The following RBM33 variants were observed in gnomAD, a reference collection of about 807,000 sequenced individuals.
RBM33 encodes RNA binding motif protein 33, also known as RNA-binding protein 33.
RBM33 carries 28 observed loss-of-function variants against 132.6 expected under a neutral mutation model. That is an observed-to-expected ratio of 0.21 (90% CI 0.16 to 0.29). The LOEUF (loss-of-function observed/expected upper bound fraction) is 0.29. Ranked by LOEUF, RBM33 falls within the 10% of genes least tolerant of loss-of-function variation. The pLI is 1.00. For missense variants in RBM33, 1,291 were observed against 1,518.5 expected (o/e 0.85, Z 2.49); for synonymous variants, 634 against 593.0 (o/e 1.07, Z -1.01).
chr7:155,701,778 C>T (rs1047035432), intron 6 of RBM33, among the ~76,000 whole-genome samples: 8 of 152,070 alleles, frequency 5.3e-5, no homozygotes, highest in Non-Finnish European at 1.2e-4. Flanking sequence ...ACCACCGCCT[C>T]CCAGGTTCAA....
intron 16 of RBM33, among the ~76,000 whole-genome samples, chr7:155,772,229 A>G (rs1244007350): frequency 6.6e-6 from 1 of 152,152 alleles, no homozygotes; most frequent in African/African-American, 2.4e-5. Flanking sequence ...GAACGGAGAG[A>G]ACCCCGGAGG....
At chr7:155,764,751 T>C (rs1200440330) in intron 15 of RBM33, among the ~76,000 whole-genome samples, 2 of 152,246 alleles carry the variant, frequency 1.3e-5, no homozygotes. Flanking sequence ...GAGGGAGACC[T>C]GGGCGCAGCC....
intron 14 of RBM33, among the ~76,000 whole-genome samples, chr7:155,761,332 G>A (rs1226993776): frequency 6.6e-5 from 10 of 152,178 alleles, no homozygotes; most frequent in Admixed American, 2.0e-4. Context: ...AAGAATGAGT[G>A]GGGAAGTGCT....
intron 5 of RBM33, among the ~76,000 whole-genome samples, chr7:155,683,839 A>T (rs1264241594): frequency 1.3e-5 from 2 of 152,206 alleles, no homozygotes; most frequent in East Asian, 3.8e-4. Context: ...TTGTTCTGTA[A>T]AAACAATTTC....
chr7:155,742,108 T>C lies in RBM33; in HGVS notation c.2337+2T>C. 1 of 1,609,106 alleles carries C rather than the reference T, an allele frequency of 6.2e-7. No homozygotes were observed. Among genetic ancestry groups the C allele is most frequent in the Non-Finnish European group, 8.5e-7 (1 of 1,176,596 alleles). On this transcript the variant is annotated splice_donor_variant, in intron 13 of 17. Transcript: ENST00000401878. LOFTEE classifies it high-confidence loss of function. ...GAAGAGGCAAAAACAGAAACAGAGG[T>C]AGGACACTGCTCTTATTAACAAATG...
At chr7:155,696,843 TG>T (rs1323948736) in intron 5 of RBM33, among the ~76,000 whole-genome samples, 3 of 152,214 alleles carry the variant, frequency 2.0e-5, no homozygotes, top group Non-Finnish European at 2.9e-5. Context: ...AGTGTTTCCC[TG>T]TATTTCATGA....
intron 14 of RBM33, 73 bp from the exon 15 acceptor site, chr7:155,763,739 G>C: frequency 1.4e-6 from 2 of 1,389,568 alleles, no homozygotes; most frequent in South Asian, 2.5e-5. Flanking sequence ...GCTGAGGTGG[G>C]CTTCCTAATG....
intron 2 of RBM33, among the ~76,000 whole-genome samples, chr7:155,668,140 G>A (rs1798849557): frequency 2.0e-5 from 3 of 151,870 alleles, no homozygotes; most frequent in African/African-American, 4.8e-5. Context: ...CTATGTATAC[G>A]TATGTAGACG....
intron 1 of RBM33, among the ~76,000 whole-genome samples, chr7:155,652,012 A>G (rs1798367920): frequency 6.6e-6 from 1 of 152,202 alleles, no homozygotes; most frequent in Non-Finnish European, 1.5e-5. Flanking sequence ...AGAACTTACT[A>G]GTTATGCTGT....
rs1427863670 is a variant in RBM33 at position 155,680,840 on chromosome 7, G to A, written c.499G>A (p.Glu167Lys). ...EDQIEYVEEP[E>K]EEQLYTDEVL... is the part of the protein sequence containing the mutation. ...CCAAATAGAATATGTGGAAGAGCCA[G>A]AGGAGGAGCAGCTTTACACTGATGA... Residue 167 changes from glutamate (E) to lysine (K), a missense_variant, in exon 5 of 18, where the codon GAG becomes AAG. Glu to Lys is a moderately conservative substitution (Grantham distance 56, BLOSUM62 1). Transcript: ENST00000401878. The A allele has an allele frequency of 6.2e-7, 1 of 1,613,914 alleles. No homozygotes were observed. The highest frequency in any genetic ancestry group is 2.2e-5 in the East Asian group (1 of 44,870).
intron 9 of RBM33, among the ~76,000 whole-genome samples, chr7:155,737,245 C>CATGTGTGT (rs35173349): frequency 4.7e-5 from 7 of 149,262 alleles, no homozygotes; most frequent in Middle Eastern, 3.5e-3. Flanking sequence ...TCTAGGTGCG[C>CATGTGTGT]GTGTGTGTGT....
chr7:155,723,582 C>T (rs981788466), intron 9 of RBM33, among the ~76,000 whole-genome samples: 4 of 152,158 alleles, frequency 2.6e-5, no homozygotes, highest in African/African-American at 9.7e-5. Flanking sequence ...GCGGCAGTAA[C>T]GAGCAGCTAA....
At chr7:155,759,354 A>G (rs1801952899) in intron 14 of RBM33, among the ~76,000 whole-genome samples, 1 of 151,956 alleles carries the variant, frequency 6.6e-6, no homozygotes, top group Non-Finnish European at 1.5e-5. Flanking sequence ...TCTCTTACCC[A>G]AAATAATGAT....
At chr7:155,718,782 C>T (rs561245454) in intron 9 of RBM33, among the ~76,000 whole-genome samples, 26 of 152,138 alleles carry the variant, frequency 1.7e-4, no homozygotes, top group African/African-American at 5.8e-4. Context: ...TGTGCATGCA[C>T]GCACAGGCAC....
chr7:155,729,858 G>A (rs1800905122), intron 9 of RBM33, among the ~76,000 whole-genome samples: 1 of 151,930 alleles, frequency 6.6e-6, no homozygotes, highest in Non-Finnish European at 1.5e-5. Flanking sequence ...CTTGTGCACT[G>A]TATGTGTTTC....
intron 1 of RBM33, among the ~76,000 whole-genome samples, chr7:155,663,583 A>G (rs1275452204): frequency 6.6e-6 from 1 of 152,172 alleles, no homozygotes; most frequent in East Asian, 1.9e-4. Context: ...AACGCCTCCC[A>G]CCAGGCCCCA....
At chr7:155,720,025 A>C (rs1027732919) in intron 9 of RBM33, among the ~76,000 whole-genome samples, 4 of 152,038 alleles carry the variant, frequency 2.6e-5, no homozygotes, top group Non-Finnish European at 5.9e-5. Flanking sequence ...GAGGATAATA[A>C]AAGAACATTT....
At chr7:155,737,742 T>C in intron 10 of RBM33, 80 bp downstream of exon 10, 1 of 1,389,096 alleles carries the variant, frequency 7.2e-7, no homozygotes, top group Non-Finnish European at 9.6e-7. Context: ...TTTTGTAAAC[T>C]GAATTGAACT....
chr7:155,774,548 T>C lies in RBM33; in HGVS notation c.3376-11T>C. 6.2e-7 allele frequency: 1 copy of C among 1,604,020 alleles called. No homozygotes were observed. On this transcript the variant is annotated splice_polypyrimidine_tract_variant and intron_variant, in intron 16 of 17. Transcript: ENST00000401878. The surrounding 1 kb of genome is among the most constrained non-coding windows in gnomAD (Gnocchi z 4.2). ...ACAACTGATCTTAAAGTGTTTGTTT[T>C]CTTCCTCTAGAGTTTACAGATGCTT...
Sources: allele counts gnomAD v4.1 joint callset (sites outside exome capture counted in the v4.1 genomes callset), GRCh38; gene constraint gnomAD v4.1.1; non-coding constraint Gnocchi (gnomAD v3.1); transcripts MANE v1.5; gene names NCBI Gene and HGNC (gene_info 2026-07-23, HGNC 2026-07-21).